DCLK1: variants seen among roughly 807,000 people sequenced by gnomAD.
DCLK1 encodes serine/threonine-protein kinase DCLK1.
DCLK1 carries 16 observed loss-of-function variants against 86.2 expected under a neutral mutation model. The observed-to-expected ratio is 0.19, with a 90% confidence interval of 0.13 to 0.28. The LOEUF is 0.28. Among genes scored for constraint, DCLK1 ranks in the 10% least tolerant of loss-of-function variants. The pLI is 1.00. For missense variants in DCLK1, 590 were observed against 940.2 expected (o/e 0.63, Z 4.87); for synonymous variants, 369 against 370.5 (o/e 1.00, Z 0.05).
chr13:35,810,941 A>T lies in DCLK1; in HGVS notation c.1582T>A (p.Ser528Thr), dbSNP rs775491203. 1 of 1,614,074 alleles carries T rather than the reference A, an allele frequency of 6.2e-7. No individual in the cohort carries two copies. The highest frequency in any genetic ancestry group is 8.5e-7 in the Non-Finnish European group (1 of 1,179,968). ...LVYEHQDGSKSLKLGDFGLAT... is the reference protein window; with the variant it reads ...LVYEHQDGSKTLKLGDFGLAT... ...AGTCCAAAGTCACCCAGCTTCAGTG[A>T]TTTGCTGCCATCTTGGTGCTCATAC... The change falls in exon 12 of 17, where the codon TCA becomes ACA. Residue 528 changes from serine to threonine, a missense_variant. By Grantham distance (58) the Ser-to-Thr change is moderately conservative. Around this residue, in one of 6 missense-constraint regions of DCLK1, gnomAD observed 108 missense variants for 195.7 expected, o/e 0.55. Transcript: ENST00000360631.
At chr13:35,836,227 G>A in intron 7 of DCLK1, 86 bp from the exon 8 acceptor site, 1 of 1,130,852 alleles carries the variant, frequency 8.8e-7, no homozygotes, top group South Asian at 1.4e-5. Flanking sequence ...TCATCTAATT[G>A]ACTGGAATGG....
In DCLK1 at chr13:35,808,374, T is replaced by A. The variant is rs374329416; in HGVS notation, c.1767-54A>T. On this transcript the variant is annotated intron_variant, in intron 13 of 16. Coordinates refer to ENST00000360631, the MANE Select transcript of DCLK1 (RefSeq NM_001330071.2). Reference sequence around the variant, plus strand: ...ACAGCACTAAGATATCAACTCAGTGTACATCTTTTCAGTCTTAGGCACTGG... The same window carrying A: ...ACAGCACTAAGATATCAACTCAGTGAACATCTTTTCAGTCTTAGGCACTGG... 27 of 1,453,360 alleles carry A rather than the reference T, an allele frequency of 1.9e-5. No individual in the cohort carries two copies. In the African/African-American group the frequency reaches 2.5e-4, roughly 14 times the overall value. 90.0% of individuals were successfully genotyped at this position (1,453,360 alleles called of 1,614,324 possible).
rs56350856 is a variant in DCLK1, at chr13:36,091,436, A to G, written c.723+20433T>C. Among the ~76,000 whole-genome samples, 704 of 152,348 alleles carry G rather than the reference A, an allele frequency of 4.6e-3. 7 individuals are homozygous for G. Among genetic ancestry groups the G allele is most frequent in the African/African-American group, 0.016 (685 of 41,584 alleles). ...GGCTGTACTCTGAGTGTCTCAGGGCAGGGACCATAACTCACCCATCTTCAT... is the reference window on the plus strand; with the variant it reads ...GGCTGTACTCTGAGTGTCTCAGGGCGGGGACCATAACTCACCCATCTTCAT... On this transcript the variant is annotated intron_variant, in intron 3 of 16. Coordinates refer to ENST00000360631, the MANE Select transcript of DCLK1 (RefSeq NM_001330071.2).
intron 3 of DCLK1, among the ~76,000 whole-genome samples, chr13:36,096,323 G>A (rs989817053): frequency 6.6e-6 from 1 of 152,112 alleles, no homozygotes; most frequent in Non-Finnish European, 1.5e-5. Context: ...TTTAGAGATG[G>A]CCTTGAACAA....
At chr13:35,945,063 G>A (rs889875462) in intron 4 of DCLK1, among the ~76,000 whole-genome samples, 1 of 152,102 alleles carries the variant, frequency 6.6e-6, no homozygotes, top group East Asian at 1.9e-4. Context: ...ACCATGCCTG[G>A]CTAATTTTGT....
At chr13:35,898,620 C>G (rs1312158864) in intron 4 of DCLK1, among the ~76,000 whole-genome samples, 1 of 152,226 alleles carries the variant, frequency 6.6e-6, no homozygotes, top group Non-Finnish European at 1.5e-5. Context: ...AAAATTCACC[C>G]AGGCATGAAT....
intron 3 of DCLK1, among the ~76,000 whole-genome samples, chr13:36,021,206 A>G (rs1038263846): frequency 1.5e-4 from 22 of 150,800 alleles, no homozygotes; most frequent in Non-Finnish European, 2.7e-4. Context: ...TCTTATGATG[A>G]TAATTGTATT....
At chr13:35,971,018 T>G (rs1404181292) in intron 3 of DCLK1, among the ~76,000 whole-genome samples, 1 of 152,110 alleles carries the variant, frequency 6.6e-6, no homozygotes, top group Non-Finnish European at 1.5e-5. Context: ...ACAAATTTGT[T>G]AGGGTAACAT....
chr13:35,873,459 A>C (rs1447021336), intron 4 of DCLK1, among the ~76,000 whole-genome samples: 1 of 151,564 alleles, frequency 6.6e-6, no homozygotes, highest in Non-Finnish European at 1.5e-5. Flanking sequence ...ATCTCGGGTC[A>C]CTGCAACCTC....
intron 1 of DCLK1, among the ~76,000 whole-genome samples, chr13:36,127,483 A>G (rs1018668350): frequency 3.3e-5 from 5 of 152,232 alleles, no homozygotes; most frequent in Admixed American, 6.5e-5. Flanking sequence ...CTACTTGCTC[A>G]GCATCTTTAA....
chr13:35,978,096 C>T (rs1190998735), intron 3 of DCLK1, among the ~76,000 whole-genome samples: 1 of 151,410 alleles, frequency 6.6e-6, no homozygotes, highest in Non-Finnish European at 1.5e-5. Context: ...AAATATGTCA[C>T]TGTGTTGACA....
chr13:36,057,533 C>A (rs1282236554), intron 3 of DCLK1, among the ~76,000 whole-genome samples: 1 of 152,148 alleles, frequency 6.6e-6, no homozygotes, highest in Non-Finnish European at 1.5e-5. Context: ...CCTCTTAGGG[C>A]AGAGAGATGA....
intron 3 of DCLK1, among the ~76,000 whole-genome samples, chr13:36,078,035 C>T (rs548261393): frequency 2.6e-5 from 4 of 152,190 alleles, no homozygotes; most frequent in South Asian, 2.1e-4. Flanking sequence ...ATACCCAATA[C>T]GACGGTATTT....
chr13:36,129,758 C>T (rs961530442), intron 1 of DCLK1, among the ~76,000 whole-genome samples: 3 of 152,082 alleles, frequency 2.0e-5, no homozygotes, highest in Admixed American at 2.0e-4. Context: ...ACCACAGCAC[C>T]TCAGCCACAG....
chr13:35,996,640 C>T, intron 3 of DCLK1, among the ~76,000 whole-genome samples: 1 of 152,082 alleles, frequency 6.6e-6, no homozygotes, highest in East Asian at 1.9e-4. Flanking sequence ...TGCCAGCCCT[C>T]CCTGAGTATT....
At chr13:35,891,988 A>G (rs1873674503) in intron 4 of DCLK1, among the ~76,000 whole-genome samples, 1 of 152,274 alleles carries the variant, frequency 6.6e-6, no homozygotes, top group African/African-American at 2.4e-5. Flanking sequence ...GCTATATAAC[A>G]TAACATGCTA....
chr13:35,804,314 A>C (rs2086983174), intron 15 of DCLK1, among the ~76,000 whole-genome samples: 2 of 122,328 alleles, frequency 1.6e-5, no homozygotes, highest in South Asian at 5.0e-4. Flanking sequence ...TTTTTTTTTT[A>C]ATAGAGACGG....
At chr13:35,846,807 T>C in intron 6 of DCLK1, 1 of 985,222 alleles carries the variant, frequency 1.0e-6, no homozygotes, top group African/African-American at 1.7e-5. Flanking sequence ...ATTCATTCGA[T>C]TAACATTTTC....
chr13:35,886,694 T>C (rs1873283754), intron 4 of DCLK1, among the ~76,000 whole-genome samples: 1 of 152,204 alleles, frequency 6.6e-6, no homozygotes, highest in Non-Finnish European at 1.5e-5. Context: ...ATAAATTCTT[T>C]CCTTTTTATC....
Sources: gnomAD v4.1 joint callset for allele counts (sites outside exome capture counted in the v4.1 genomes callset) on GRCh38, gnomAD v4.1.1 for gene constraint, gnomAD v4.1.1 regional missense constraint, MANE v1.5 for transcripts, NCBI Gene and HGNC (gene_info 2026-07-23, HGNC 2026-07-21) for gene names.